The following HTR3B variants were observed in gnomAD, a reference collection of about 807,000 sequenced individuals.
HTR3B encodes 5-hydroxytryptamine receptor 3B.
Under a neutral mutation model 42.8 loss-of-function variants are expected in HTR3B, and 44 were observed. That is an observed-to-expected ratio of 1.03 (90% confidence interval 0.81 to 1.32). The LOEUF (loss-of-function observed/expected upper bound fraction) is 1.32. Among genes scored for constraint, HTR3B ranks in the 40% most tolerant of loss-of-function variants. HTR3B has a pLI of 0.00. For synonymous variants in HTR3B, 203 were observed against 209.0 expected, an observed-to-expected ratio of 0.97 and a Z score of 0.25; for missense variants, 527 against 536.5, an observed-to-expected ratio of 0.98 and a Z score of 0.17.
At chr11:113,941,859 T>A (rs1180351483) in intron 6 of HTR3B, among the ~76,000 whole-genome samples, 1 of 152,170 alleles carries the variant, frequency 6.6e-6, no homozygotes, top group Non-Finnish European at 1.5e-5. Flanking sequence ...CCTTCAGGCC[T>A]AAGGGTGGTA....
chr11:113,899,915 G>A (rs879643811), upstream of HTR3B, among the ~76,000 whole-genome samples: 8 of 152,112 alleles, frequency 5.3e-5, no homozygotes, highest in Non-Finnish European at 1.2e-4. Flanking sequence ...TAAGAGAATC[G>A]CAGATTCAAA....
chr11:113,916,352 A>G (rs1949853948), intron 2 of HTR3B, among the ~76,000 whole-genome samples: 1 of 152,126 alleles, frequency 6.6e-6, no homozygotes, highest in Non-Finnish European at 1.5e-5. Flanking sequence ...AGGTTACAAG[A>G]GTTATTTATA....
In HTR3B at chr11:113,946,165, C is replaced by G; in HGVS notation, c.*28C>G. The G allele has an allele frequency of 6.5e-7, 1 of 1,544,074 alleles. No individual in the cohort carries two copies. Among genetic ancestry groups the G allele is most frequent in the Middle Eastern group, 1.7e-4 (1 of 5,928 alleles). On this transcript the variant is annotated 3_prime_UTR_variant, in exon 9 of 9. Coordinates refer to ENST00000260191, the MANE Select transcript of HTR3B (RefSeq NM_006028.5). ...ACTGAAGTGTTCTTCAGTAATTGTG[C>G]TGGCACTTAGGAGAGAGAGGAGGGG... is the stretch of plus-strand genomic sequence containing the variant.
intron 2 of HTR3B, among the ~76,000 whole-genome samples, chr11:113,924,857 A>G (rs533341795): frequency 6.6e-6 from 1 of 152,254 alleles, no homozygotes; most frequent in East Asian, 1.9e-4. Flanking sequence ...AATTCCATTA[A>G]TATCTGTAGA....
In HTR3B at chr11:113,948,566, G is replaced by A. The variant is rs1263854349; in HGVS notation, c.*2429G>A. Reference sequence around the variant, plus strand: ...AAAATGAAAAAATGTATTGAACAATGCTTTGAAAAGTAAATAATGGGGCGT... The same window carrying A: ...AAAATGAAAAAATGTATTGAACAATACTTTGAAAAGTAAATAATGGGGCGT... On this transcript the variant is annotated 3_prime_UTR_variant, in exon 9 of 9. Transcript: ENST00000260191. Among the ~76,000 whole-genome samples the A allele has an allele frequency of 6.6e-6, 1 of 152,182 alleles. No individual in the cohort carries two copies. Among genetic ancestry groups the A allele is most frequent in the Non-Finnish European group, 1.5e-5 (1 of 68,032 alleles).
intron 2 of HTR3B, among the ~76,000 whole-genome samples, chr11:113,918,646 G>A (rs1949880530): frequency 7.3e-6 from 1 of 137,798 alleles, no homozygotes; most frequent in South Asian, 2.4e-4. Context: ...TTTTAAACCA[G>A]TATGACAATC....
intron 2 of HTR3B, among the ~76,000 whole-genome samples, chr11:113,919,157 T>C (rs1316402933): frequency 6.6e-6 from 1 of 152,198 alleles, no homozygotes; most frequent in Non-Finnish European, 1.5e-5. Flanking sequence ...GATCCATCTT[T>C]GTATTTTTTT....
chr11:113,910,442 CTTTT>C (rs34377344), intron 2 of HTR3B, among the ~76,000 whole-genome samples: 4 of 136,250 alleles, frequency 2.9e-5, no homozygotes, highest in Admixed American at 7.4e-5. Flanking sequence ...ATTTCTCTCT[CTTTT>C]TTTTTTTTTT....
intron 6 of HTR3B, among the ~76,000 whole-genome samples, chr11:113,936,924 C>T (rs562416745): frequency 1.1e-4 from 16 of 152,302 alleles, no homozygotes; most frequent in African/African-American, 3.4e-4. Flanking sequence ...CACACACATT[C>T]GGAATTAGAT....
rs1950052928 is a variant in HTR3B, at chr11:113,933,027, A to G, written c.630A>G (p.Leu210=). ...AFLNDSEWEL[L]SVSSTYSILQ... is the part of the protein sequence containing the mutation. Reference sequence around the variant, plus strand: ...TGAATGACAGTGAGTGGGAACTTCTATCTGTGTCCTCCACATACAGCATCC... The same window carrying G: ...TGAATGACAGTGAGTGGGAACTTCTGTCTGTGTCCTCCACATACAGCATCC... The change falls in exon 6 of 9, where the codon CTA becomes CTG. Residue 210 remains leucine, a synonymous_variant. Coordinates refer to ENST00000260191, the MANE Select transcript of HTR3B (RefSeq NM_006028.5). 4 of 1,614,156 alleles carry G rather than the reference A, an allele frequency of 2.5e-6. No homozygotes were observed. The highest frequency in any genetic ancestry group is 3.4e-6 in the Non-Finnish European group (4 of 1,180,012).
In HTR3B at chr11:113,948,818, G is replaced by A. The variant is rs980851554; in HGVS notation, c.*2681G>A. 3.3e-5 allele frequency among the ~76,000 whole-genome samples: 5 copies of A among 151,362 alleles called. No homozygotes were observed. Among genetic ancestry groups the A allele is most frequent in the South Asian group, 2.1e-4 (1 of 4,808 alleles). ...GTGGAGGTTGCGGTGAGCCGAGATC[G>A]TGCCATTGCACTCCAGCCCGGGCAA... On this transcript the variant is annotated 3_prime_UTR_variant, in exon 9 of 9. Transcript: ENST00000260191.
intron 2 of HTR3B, among the ~76,000 whole-genome samples, chr11:113,913,752 T>C (rs963965900): frequency 5.9e-5 from 9 of 152,084 alleles, no homozygotes; most frequent in African/African-American, 2.2e-4. Flanking sequence ...TGACCTCAGG[T>C]GATCCACCTG....
At chr11:113,927,623 C>T (rs1373552720) in intron 2 of HTR3B, among the ~76,000 whole-genome samples, 1 of 151,222 alleles carries the variant, frequency 6.6e-6, no homozygotes, top group Admixed American at 6.6e-5. Flanking sequence ...AGAGCAGTGG[C>T]TCAATCTTAG....
At chr11:113,906,076 ATC>A (rs1949731005) in intron 1 of HTR3B, among the ~76,000 whole-genome samples, 1 of 152,206 alleles carries the variant, frequency 6.6e-6, no homozygotes, top group African/African-American at 2.4e-5. Flanking sequence ...TCTTAACAAT[ATC>A]TCTCTAATGT....
intron 6 of HTR3B, 25 bp downstream of exon 6, chr11:113,933,118 G>A (rs377031703): frequency 4.8e-5 from 77 of 1,601,308 alleles, no homozygotes; most frequent in Admixed American, 1.9e-4. Flanking sequence ...ACCTGTCCCC[G>A]TTGCCCGCTT....
intron 2 of HTR3B, among the ~76,000 whole-genome samples, chr11:113,910,017 G>A (rs1949772373): frequency 2.0e-5 from 3 of 149,684 alleles, no homozygotes; most frequent in African/African-American, 2.4e-5. Flanking sequence ...AAAACTTGTG[G>A]TCATGGATCA....
rs1306555986 is a variant in HTR3B at position 113,948,601 on chromosome 11, C to T, written c.*2464C>T. Among the ~76,000 whole-genome samples the T allele has an allele frequency of 5.3e-5, 8 of 152,168 alleles. No homozygotes were observed. The highest frequency in any genetic ancestry group is 2.1e-4 in the South Asian group (1 of 4,830). ...GTAAATAATGGGGCGTGGTGGCTCA[C>T]GCCTATAATCCCAACACTTTGGGAG... On this transcript the variant is annotated 3_prime_UTR_variant, in exon 9 of 9. Transcript: ENST00000260191.
intron 2 of HTR3B, among the ~76,000 whole-genome samples, chr11:113,930,278 A>G (rs1950020395): frequency 1.3e-5 from 2 of 152,038 alleles, no homozygotes; most frequent in Non-Finnish European, 2.9e-5. Context: ...ATTCAAAGTC[A>G]TGAAGATTTA....
chr11:113,932,907 G>A, intron 5 of HTR3B, 29 bp from the exon 6 acceptor site: 4 of 1,606,556 alleles, frequency 2.5e-6, no homozygotes, highest in Non-Finnish European at 3.4e-6. Context: ...TTTCTCTCTG[G>A]GAAAGTCAAT....
Sources: gnomAD v4.1 joint callset for allele counts (sites outside exome capture counted in the v4.1 genomes callset) on GRCh38, gnomAD v4.1.1 for gene constraint, MANE v1.5 for transcripts, NCBI Gene and HGNC (gene_info 2026-07-23, HGNC 2026-07-21) for gene names.